The following ARAP2 variants were observed in gnomAD, a reference collection of about 807,000 sequenced individuals.
ARAP2 encodes the protein arf-GAP with Rho-GAP domain, ANK repeat and PH domain-containing protein 2.
In ARAP2, 148 loss-of-function variants were observed where a neutral mutation model predicts 194.5. The observed-to-expected ratio is 0.76, with a 90% CI of 0.67 to 0.87. The LOEUF (loss-of-function observed/expected upper bound fraction) is 0.87, where lower values mean the gene tolerates loss of function less well. Among genes scored for constraint, ARAP2 ranks in the 40% least tolerant of loss-of-function variants. ARAP2 has a pLI of 0.00. For missense variants in ARAP2, 2,128 were observed against 1,989.7 expected (o/e 1.07, Z -1.32); for synonymous variants, 695 against 683.5 (o/e 1.02, Z -0.26).
chr4:36,022,785 AT>A (rs1427454600), intron 5 of ARAP2, among the ~76,000 whole-genome samples: 4 of 152,146 alleles, frequency 2.6e-5, no homozygotes, highest in Non-Finnish European at 4.4e-5. Context: ...CCCCTCCAAA[AT>A]TTCATTTTGA....
At chr4:36,157,061 T>A (rs1732736242) in intron 15 of ARAP2, among the ~76,000 whole-genome samples, 1 of 152,196 alleles carries the variant, frequency 6.6e-6, no homozygotes, top group Non-Finnish European at 1.5e-5. Flanking sequence ...AGTAATTTTA[T>A]AAATATTATA....
Position 36,068,016 on chromosome 4 carries a change from A to G in ARAP2, c.5006T>C (p.Leu1669Ser). The change falls in exon 33 of 33, where the codon TTG becomes TCG. Residue 1669 changes from leucine (L) to serine (S), a missense_variant. Transcript: ENST00000303965. ...KTEDRNSKAT[L>S]DSDHKLPSRV... is the part of the protein sequence containing the mutation. ...TGATGGTAACTTATGATCAGAGTCC[A>G]AAGTAGCTTTGCTATTCCTGTCCTC... 1 of 1,614,210 alleles carries G rather than the reference A, an allele frequency of 6.2e-7. No individual in the cohort carries two copies. The highest frequency in any genetic ancestry group is 8.5e-7 in the Non-Finnish European group (1 of 1,180,000).
At chr4:36,218,066 C>T (rs866641383) in intron 2 of ARAP2, among the ~76,000 whole-genome samples, 39 of 151,938 alleles carry the variant, frequency 2.6e-4, no homozygotes, top group African/African-American at 7.7e-4. Context: ...TACCAGGTTT[C>T]GTGATTTATT....
chr4:36,175,885 C>T lies in ARAP2; in HGVS notation c.1857+1942G>A, dbSNP rs73125387. 6.3e-3 allele frequency among the ~76,000 whole-genome samples: 953 copies of T among 152,232 alleles called. 13 individuals are homozygous for T. Among genetic ancestry groups the T allele is most frequent in the African/African-American group, 0.022 (908 of 41,538 alleles). ...CAACCTATTATTGCACTGACCTCAC[C>T]ATCCATCATATATTCTGGTCTTGTT... On this transcript the variant is annotated intron_variant, in intron 9 of 32. Transcript: ENST00000303965.
chr4:36,230,802 T>G (rs770670693), intron 1 of ARAP2, among the ~76,000 whole-genome samples: 12 of 152,196 alleles, frequency 7.9e-5, no homozygotes, highest in Non-Finnish European at 1.2e-4. Context: ...CAAAAGGCAC[T>G]ACTTGGACTC....
intron 1 of ARAP2, among the ~76,000 whole-genome samples, chr4:36,236,849 A>C (rs1183233044): frequency 1.3e-5 from 2 of 152,204 alleles, no homozygotes; most frequent in Non-Finnish European, 2.9e-5. Context: ...AATAGTACCC[A>C]GATAAAAAAT....
intron 5 of ARAP2, among the ~76,000 whole-genome samples, chr4:36,039,737 T>C (rs1486725326): frequency 6.6e-6 from 1 of 152,106 alleles, no homozygotes; most frequent in Non-Finnish European, 1.5e-5. Flanking sequence ...CAAATACTCT[T>C]GACTTAGCAA....
chr4:36,042,900 T>C (rs1446306053), intron 5 of ARAP2, among the ~76,000 whole-genome samples: 2 of 151,762 alleles, frequency 1.3e-5, no homozygotes, highest in East Asian at 1.9e-4. Context: ...TGGAGTGCAA[T>C]GGCACGATCT....
At chr4:36,234,255 G>A (rs1177527274) in intron 1 of ARAP2, among the ~76,000 whole-genome samples, 1 of 152,186 alleles carries the variant, frequency 6.6e-6, no homozygotes, top group Non-Finnish European at 1.5e-5. Flanking sequence ...GGAAGTCCAA[G>A]GTCAAGGCGC....
chr4:36,094,827 A>AT (rs1213596651), intron 27 of ARAP2, among the ~76,000 whole-genome samples: 1 of 152,134 alleles, frequency 6.6e-6, no homozygotes, highest in Non-Finnish European at 1.5e-5. Flanking sequence ...AATTAATATA[A>AT]TTTTATAGAT....
chr4:36,146,415 G>A (rs531221741), intron 19 of ARAP2, among the ~76,000 whole-genome samples: 7 of 152,012 alleles, frequency 4.6e-5, no homozygotes, highest in Admixed American at 6.6e-5. Context: ...CATCATGACC[G>A]ATAAGGCCCT....
At chr4:36,043,287 T>C (rs1422340447) in intron 5 of ARAP2, among the ~76,000 whole-genome samples, 2 of 152,220 alleles carry the variant, frequency 1.3e-5, no homozygotes, top group Non-Finnish European at 2.9e-5. Flanking sequence ...ATTGTAAGTT[T>C]GATCAGCTAA....
At chr4:36,035,077 T>G (rs1719684034) in intron 5 of ARAP2, among the ~76,000 whole-genome samples, 1 of 152,122 alleles carries the variant, frequency 6.6e-6, no homozygotes, top group Non-Finnish European at 1.5e-5. Context: ...CAGGTTTTGG[T>G]ATCAGGATGA....
chr4:36,197,773 G>A (rs536483436), intron 6 of ARAP2, among the ~76,000 whole-genome samples: 20 of 152,284 alleles, frequency 1.3e-4, no homozygotes, highest in Non-Finnish European at 2.4e-4. Flanking sequence ...CATGGGTGCC[G>A]GCTCTCTGCA....
chr4:36,121,850 C>G (rs1024168598), intron 22 of ARAP2, among the ~76,000 whole-genome samples: 1 of 151,632 alleles, frequency 6.6e-6, no homozygotes, highest in South Asian at 2.1e-4. Context: ...TACAGCTATT[C>G]TAAATAAAAT....
chr4:36,153,129 T>G (rs188740652), intron 15 of ARAP2, among the ~76,000 whole-genome samples: 72 of 152,312 alleles, frequency 4.7e-4, no homozygotes, highest in Admixed American at 1.8e-3. Context: ...AATAATAAGC[T>G]TGAGGAGAGT....
At chr4:36,037,971 C>A (rs190847913) in intron 5 of ARAP2, among the ~76,000 whole-genome samples, 251 of 152,258 alleles carry the variant, frequency 1.6e-3, no homozygotes, top group Non-Finnish European at 3.0e-3. Flanking sequence ...AACAGATTAT[C>A]CAATATGACT....
chr4:36,128,838 G>A, intron 20 of ARAP2, 93 bp from the exon 21 acceptor site: 4 of 1,007,476 alleles, frequency 4.0e-6, no homozygotes, highest in Non-Finnish European at 4.3e-6. Flanking sequence ...GTGTTGAGAC[G>A]AGAAGATGAT....
At chr4:36,193,478 T>C (rs1170950780) in intron 7 of ARAP2, 100 bp downstream of exon 7, 1 of 612,502 alleles carries the variant, frequency 1.6e-6, no homozygotes, top group Non-Finnish European at 2.8e-6. Context: ...TCTTTTCATG[T>C]TGAGAATCTA....
Sources: gnomAD v4.1 joint callset for allele counts (sites outside exome capture counted in the v4.1 genomes callset) on GRCh38, gnomAD v4.1.1 for gene constraint, MANE v1.5 for transcripts, NCBI Gene and HGNC (gene_info 2026-07-23, HGNC 2026-07-21) for gene names.